Variants in KCNIP4 observed in about 807,000 individuals in gnomAD.
KCNIP4 encodes the protein potassium voltage-gated channel interacting protein 4.
A neutral mutation model predicts 34.0 loss-of-function variants in KCNIP4; 12 were observed. That is an observed-to-expected ratio of 0.35 (90% CI 0.23 to 0.57). The LOEUF is 0.57. Ranked by LOEUF, KCNIP4 falls within the 20% of genes least tolerant of loss-of-function variation. KCNIP4 has a pLI of 0.83. For missense variants in KCNIP4, 238 were observed against 311.7 expected, an observed-to-expected ratio of 0.76 and a Z score of 1.78; for synonymous variants, 124 against 102.2, an observed-to-expected ratio of 1.21 and a Z score of -1.29.
chr4:21,629,561 T>A (rs1297347865), intron 1 of KCNIP4, among the ~76,000 whole-genome samples: 4 of 152,174 alleles, frequency 2.6e-5, no homozygotes, highest in African/African-American at 9.7e-5. Context: ...CATATCATAA[T>A]GTGTGAAAAA....
chr4:21,285,140 G>A (rs548512180), intron 1 of KCNIP4, among the ~76,000 whole-genome samples: 5 of 152,240 alleles, frequency 3.3e-5, no homozygotes, highest in Admixed American at 1.3e-4. Flanking sequence ...GGATAAGAAA[G>A]TCAAGCCTAT....
At chr4:21,648,946 G>T (rs913906760) in intron 1 of KCNIP4, among the ~76,000 whole-genome samples, 1 of 152,096 alleles carries the variant, frequency 6.6e-6, no homozygotes, top group Non-Finnish European at 1.5e-5. Context: ...TTTATGGAAT[G>T]TCAGTTTGGT....
chr4:21,090,403 G>T (rs1279627845), intron 1 of KCNIP4, among the ~76,000 whole-genome samples: 1 of 152,132 alleles, frequency 6.6e-6, no homozygotes, highest in Non-Finnish European at 1.5e-5. Context: ...GAGGAATCTA[G>T]AAACAAGTCT....
At chr4:21,356,880 C>A (rs1718665417) in intron 1 of KCNIP4, among the ~76,000 whole-genome samples, 1 of 152,102 alleles carries the variant, frequency 6.6e-6, no homozygotes, top group Non-Finnish European at 1.5e-5. Flanking sequence ...GCCAAAAGAA[C>A]AAAGCTGGAG....
intron 1 of KCNIP4, among the ~76,000 whole-genome samples, chr4:21,247,593 ACACCACAGATGG>A (rs1341627619): frequency 6.3e-4 from 89 of 140,712 alleles, no homozygotes; most frequent in Middle Eastern, 3.6e-3. Flanking sequence ...ATATATATAT[ACACCACAGATGG>A]TATATATATT....
At chr4:21,797,209 G>A (rs28754425) in intron 1 of KCNIP4, among the ~76,000 whole-genome samples, 16,011 of 152,218 alleles carry the variant, frequency 0.11, 2,876 homozygotes, top group African/African-American at 0.37. Flanking sequence ...GTGCAGTGGC[G>A]TGATCATAGC....
chr4:21,725,782 T>G (rs899379029), intron 1 of KCNIP4, among the ~76,000 whole-genome samples: 2 of 152,148 alleles, frequency 1.3e-5, no homozygotes, highest in African/African-American at 4.8e-5. Flanking sequence ...TGTTTTATTC[T>G]TGGTGATTTC....
At chr4:21,327,666 A>C (rs561033779) in intron 1 of KCNIP4, among the ~76,000 whole-genome samples, 2 of 152,150 alleles carry the variant, frequency 1.3e-5, no homozygotes, top group African/African-American at 4.8e-5. Context: ...CTCCTCTTCA[A>C]GGCCAATAAC....
intron 1 of KCNIP4, among the ~76,000 whole-genome samples, chr4:21,346,581 A>C (rs1465781236): frequency 1.3e-5 from 2 of 151,854 alleles, no homozygotes; most frequent in African/African-American, 4.8e-5. Flanking sequence ...AGACTCACAA[A>C]CAACTTTTTT....
chr4:21,783,635 C>T (rs4267723), intron 1 of KCNIP4, among the ~76,000 whole-genome samples: 94,794 of 151,998 alleles, frequency 0.62, 30,957 homozygotes, highest in Non-Finnish European at 0.73. Context: ...CAAAAAAGGA[C>T]ATTTAAGCAT....
chr4:21,051,978 G>T (rs1418230574), intron 1 of KCNIP4, among the ~76,000 whole-genome samples: 1 of 152,190 alleles, frequency 6.6e-6, no homozygotes, highest in Admixed American at 6.5e-5. Flanking sequence ...GAATTGCTGG[G>T]AGTTCAGGTC....
At chr4:21,303,194 C>G (rs1003421981) in intron 1 of KCNIP4, among the ~76,000 whole-genome samples, 2 of 152,032 alleles carry the variant, frequency 1.3e-5, no homozygotes, top group African/African-American at 4.8e-5. Flanking sequence ...ACATAAACAG[C>G]AATACTTGAA....
chr4:21,125,507 G>T (rs147261713), intron 1 of KCNIP4, among the ~76,000 whole-genome samples: 1 of 152,188 alleles, frequency 6.6e-6, no homozygotes, highest in East Asian at 1.9e-4. Flanking sequence ...GAGCCAACGC[G>T]CCTGGCCCAT....
chr4:21,892,998 T>C (rs1727191963), intron 1 of KCNIP4, among the ~76,000 whole-genome samples: 1 of 152,324 alleles, frequency 6.6e-6, no homozygotes, highest in African/African-American at 2.4e-5. Context: ...TTCGGTTTTG[T>C]TTCTGAGATC....
At chr4:20,873,035 A>G (rs531037860) in intron 2 of KCNIP4, among the ~76,000 whole-genome samples, 3 of 152,248 alleles carry the variant, frequency 2.0e-5, no homozygotes, top group African/African-American at 7.2e-5. Context: ...TCTCTTTCCT[A>G]TCTTTCACTC....
At chr4:21,582,582 A>G (rs1456919268) in intron 1 of KCNIP4, among the ~76,000 whole-genome samples, 1 of 152,044 alleles carries the variant, frequency 6.6e-6, no homozygotes, top group Non-Finnish European at 1.5e-5. Context: ...TGCACAAAAA[A>G]TAGGATCAGA....
intron 1 of KCNIP4, among the ~76,000 whole-genome samples, chr4:20,914,641 C>T (rs371323988): frequency 6.6e-6 from 1 of 152,168 alleles, no homozygotes; most frequent in Non-Finnish European, 1.5e-5. Context: ...CTGTCTATCA[C>T]TATAGGCACT....
At chr4:21,197,293 C>T (rs1756126330) in intron 1 of KCNIP4, among the ~76,000 whole-genome samples, 1 of 152,122 alleles carries the variant, frequency 6.6e-6, no homozygotes, top group Non-Finnish European at 1.5e-5. Flanking sequence ...ATTGCTAGCT[C>T]AGAGTATGTA....
chr4:21,380,406 G>T (rs989810315), intron 1 of KCNIP4, among the ~76,000 whole-genome samples: 2 of 146,454 alleles, frequency 1.4e-5, no homozygotes, highest in African/African-American at 5.1e-5. Flanking sequence ...TCTGTGTGTG[G>T]CAGGGTGGGG....
Sources: gnomAD v4.1 joint callset for allele counts (sites outside exome capture counted in the v4.1 genomes callset) on GRCh38, gnomAD v4.1.1 for gene constraint, MANE v1.5 for transcripts, NCBI Gene and HGNC (gene_info 2026-07-23, HGNC 2026-07-21) for gene names.